The following HEATR6 variants were observed in gnomAD, a reference collection of about 807,000 sequenced individuals.
HEATR6 encodes HEAT repeat containing 6.
Under a neutral mutation model 132.8 loss-of-function variants are expected in HEATR6, and 106 were observed. The ratio of observed to expected loss-of-function variants is 0.80; its 90% CI spans 0.68 to 0.94. The LOEUF (loss-of-function observed/expected upper bound fraction) is 0.94, where lower values mean the gene tolerates loss of function less well. Ranked by LOEUF, HEATR6 falls within the 40% of genes least tolerant of loss-of-function variation. HEATR6 has a pLI of 0.00. For missense variants in HEATR6, 1,339 were observed against 1,425.1 expected, an observed-to-expected ratio of 0.94 and a Z score of 0.97; for synonymous variants, 529 against 537.8, an observed-to-expected ratio of 0.98 and a Z score of 0.23.
intron 16 of HEATR6, among the ~76,000 whole-genome samples, chr17:60,048,983 AATAT>A (rs35114523): frequency 0.079 from 5,444 of 69,310 alleles, 170 homozygotes; most frequent in Admixed American, 0.096. Flanking sequence ...ATATATATAT[AATAT>A]ATATATATAT....
intron 14 of HEATR6, among the ~76,000 whole-genome samples, chr17:60,051,809 TGGAAACCCAGTCTGGGTCC>T (rs1219971547): frequency 2.0e-5 from 3 of 152,340 alleles, no homozygotes; most frequent in South Asian, 2.1e-4. Context: ...CTTCAGCTCC[TGGAAACCCAGTCTGGGTCC>T]TCCCTGCCCC....
At chr17:60,047,570 T>A (rs1329278132) in intron 17 of HEATR6, among the ~76,000 whole-genome samples, 165 bp from the exon 18 acceptor site, 1 of 150,234 alleles carries the variant, frequency 6.7e-6, no homozygotes, top group Admixed American at 6.6e-5. Flanking sequence ...TTTGACCCAA[T>A]AGTTCCCCAC....
Position 60,044,141 on chromosome 17 carries a change from A to T in HEATR6, c.2975-7T>A. On this transcript the variant is annotated splice_polypyrimidine_tract_variant and splice_region_variant and intron_variant, in intron 19 of 19. Coordinates refer to ENST00000184956, the MANE Select transcript of HEATR6 (RefSeq NM_022070.5). ...GAGGTCCATGGGGCTGTCCCTAGAA[A>T]GAATCCACAGTCACTAAAACAAATG... 2 of 1,592,762 alleles carry T rather than the reference A, an allele frequency of 1.3e-6. No homozygotes were observed. The highest frequency in any genetic ancestry group is 1.7e-6 in the Non-Finnish European group (2 of 1,169,590).
At chr17:60,063,222 C>T (rs1010847228) in intron 9 of HEATR6, 2 of 152,160 alleles carry the variant, frequency 1.3e-5, no homozygotes, top group Non-Finnish European at 2.9e-5. Context: ...CCACTATTAT[C>T]TAGATTTCGA....
chr17:60,062,671 A>G (rs1224241021), intron 9 of HEATR6, among the ~76,000 whole-genome samples: 2 of 152,188 alleles, frequency 1.3e-5, no homozygotes, highest in Non-Finnish European at 2.9e-5. Flanking sequence ...TTCCAAAGTC[A>G]GTTGTCTTTT....
chr17:60,046,063 G>A lies in HEATR6; in HGVS notation c.2936C>T (p.Ala979Val), dbSNP rs766802933. Residue 979 changes from alanine (A) to valine (V), a missense_variant, in exon 19 of 20, where the codon GCA becomes GTA. Coordinates refer to ENST00000184956, the MANE Select transcript of HEATR6 (RefSeq NM_022070.5). ...AMKVRWNACY[A>V]MGNVFKNPAL... ...AGGATTTTTAAATACATTTCCCATTGCATAACAAGCATTCCATCGGACTTT... is the reference window on the plus strand; with the variant it reads ...AGGATTTTTAAATACATTTCCCATTACATAACAAGCATTCCATCGGACTTT... The A allele has an allele frequency of 1.2e-6, 2 of 1,613,984 alleles. No homozygotes were observed. Among genetic ancestry groups the A allele is most frequent in the South Asian group, 2.2e-5 (2 of 91,078 alleles).
At chr17:60,048,645 C>T (rs1228341103) in intron 16 of HEATR6, among the ~76,000 whole-genome samples, 2 of 152,004 alleles carry the variant, frequency 1.3e-5, no homozygotes, top group African/African-American at 2.4e-5. Flanking sequence ...TTATGAACAT[C>T]GAATATATAA....
At position 60,043,795 on chromosome 17, in the gene HEATR6, T is replaced by C; in HGVS notation, c.3314A>G (p.Tyr1105Cys). 2 of 1,614,162 alleles carry C rather than the reference T, an allele frequency of 1.2e-6. No homozygotes were observed. The highest frequency in any genetic ancestry group is 1.7e-6 in the Non-Finnish European group (2 of 1,180,020). ...TCCTGATTTTAAAAACTGTAGAATA[T>C]AGGACTGGACCATATTCCCACTCAG... ...LELSGNMVQS[Y>C]ILQFLKSGAE... The change falls in exon 20 of 20, where the codon TAT becomes TGT. Residue 1105 changes from tyrosine (Y) to cysteine (C), a missense_variant. Transcript: ENST00000184956.
At position 60,078,738 on chromosome 17, in the gene HEATR6, G is replaced by C; in HGVS notation, c.177C>G (p.Leu59=). The change falls in exon 1 of 20, where the codon CTC becomes CTG. Residue 59 remains leucine, a synonymous_variant. Coordinates refer to ENST00000184956, the MANE Select transcript of HEATR6 (RefSeq NM_022070.5). The part of the protein sequence containing the change: ...RTEIHLLFDQ[L]ISENYSEGSG... ...TGCCCTCGCTGTAGTTCTCGGAGATGAGCTGATCGAAGAGCAGGTGGATCT... is the reference window on the plus strand; with the variant it reads ...TGCCCTCGCTGTAGTTCTCGGAGATCAGCTGATCGAAGAGCAGGTGGATCT... 1 of 1,557,132 alleles carries C rather than the reference G, an allele frequency of 6.4e-7. No homozygotes were observed. Among genetic ancestry groups the C allele is most frequent in the Non-Finnish European group, 8.7e-7 (1 of 1,151,898 alleles).
At chr17:60,070,340 T>C (rs547322267) in intron 6 of HEATR6, among the ~76,000 whole-genome samples, 7 of 152,070 alleles carry the variant, frequency 4.6e-5, no homozygotes, top group African/African-American at 1.2e-4. Context: ...AGCTGCCCAT[T>C]GACACACGTC....
intron 15 of HEATR6, among the ~76,000 whole-genome samples, 200 bp downstream of exon 15, chr17:60,050,643 G>T (rs6503943): frequency 0.12 from 18,298 of 152,046 alleles, 1,629 homozygotes; most frequent in African/African-American, 0.25. Context: ...TCATGCACAG[G>T]GGGAAACAGC....
At chr17:60,057,501 G>A in intron 11 of HEATR6, 98 bp from the exon 12 acceptor site, 1 of 762,200 alleles carries the variant, frequency 1.3e-6, no homozygotes, top group Non-Finnish European at 2.1e-6. Context: ...AGTTCCTTGT[G>A]TAACCTGAAT....
intron 8 of HEATR6, among the ~76,000 whole-genome samples, chr17:60,067,045 C>T (rs1371412624): frequency 1.3e-5 from 2 of 151,844 alleles, no homozygotes; most frequent in Non-Finnish European, 1.5e-5. Context: ...CCGAGGCGGG[C>T]GGATCACGAG....
intron 14 of HEATR6, among the ~76,000 whole-genome samples, chr17:60,054,938 T>G (rs1906695314): frequency 1.3e-5 from 2 of 152,138 alleles, no homozygotes; most frequent in African/African-American, 4.8e-5. Flanking sequence ...CATGCTGAAA[T>G]GTGACCTCTA....
At chr17:60,059,075 C>T (rs1276775731) in intron 11 of HEATR6, among the ~76,000 whole-genome samples, 1 of 152,048 alleles carries the variant, frequency 6.6e-6, no homozygotes, top group East Asian at 1.9e-4. Flanking sequence ...TCTATCTAAC[C>T]ATCCATCCAT....
rs145565709 is a variant in HEATR6 at position 60,046,176 on chromosome 17, G to A, written c.2823C>T (p.Pro941=). Residue 941 remains proline, a synonymous_variant, in exon 19 of 20, where the codon CCC becomes CCT. Transcript: ENST00000184956. ...CAAATGTGGGTTTTTCTATATGAGA[G>A]GGTTGCAGAAAATGAAGCAAATTTC... ...ALGNLLHFLQ[P]SHIEKPTFAE... 5 of 1,613,896 alleles carry A rather than the reference G, an allele frequency of 3.1e-6. No homozygotes were observed. The highest frequency in any genetic ancestry group is 3.4e-6 in the Non-Finnish European group (4 of 1,179,906).
intron 19 of HEATR6, among the ~76,000 whole-genome samples, chr17:60,045,381 C>T (rs545364241): frequency 6.6e-5 from 10 of 152,172 alleles, no homozygotes; most frequent in Admixed American, 1.3e-4. Context: ...ATAAAGCGAA[C>T]GCTGGCATTC....
In HEATR6 at chr17:60,042,378, A is replaced by C. The variant is rs1906199336; in HGVS notation, c.*1185T>G. 6.7e-6 allele frequency among the ~76,000 whole-genome samples: 1 copy of C among 148,474 alleles called. No homozygotes were observed. Among genetic ancestry groups the C allele is most frequent in the African/African-American group, 2.6e-5 (1 of 38,444 alleles). ...CTTGCGTCCTGTGTGGCTGTGAGGC[A>C]CTGTCAGCATCCTCGCGTCCTGTGC... On this transcript the variant is annotated 3_prime_UTR_variant, in exon 20 of 20. Transcript: ENST00000184956.
At chr17:60,073,676 T>C (rs760071250) in intron 3 of HEATR6, 70 bp downstream of exon 3, 51 of 1,464,724 alleles carry the variant, frequency 3.5e-5, no homozygotes, top group Non-Finnish European at 4.6e-5. Context: ...GATAGAAACC[T>C]GAACACAGTG....
Sources: gnomAD v4.1 joint callset for allele counts (sites outside exome capture counted in the v4.1 genomes callset) on GRCh38, gnomAD v4.1.1 for gene constraint, MANE v1.5 for transcripts, NCBI Gene and HGNC (gene_info 2026-07-23, HGNC 2026-07-21) for gene names.